The following POU6F1 variants were observed in gnomAD, a reference collection of about 807,000 sequenced individuals.
POU6F1 encodes POU domain, class 6, transcription factor 1.
In POU6F1, 9 loss-of-function variants were observed where a neutral mutation model predicts 28.9. The ratio of observed to expected loss-of-function variants is 0.31; its 90% CI spans 0.19 to 0.54. POU6F1 has a LOEUF of 0.54. Among genes scored for constraint, POU6F1 ranks in the 20% least tolerant of loss-of-function variants. POU6F1 has a pLI of 0.94. For synonymous variants in POU6F1, 173 were observed against 171.1 expected (o/e 1.01, Z -0.09); for missense variants, 338 against 426.1 (o/e 0.79, Z 1.82).
At chr12:51,200,516 C>T (rs1180211757) in intron 3 of POU6F1, among the ~76,000 whole-genome samples, 3 of 152,150 alleles carry the variant, frequency 2.0e-5, no homozygotes, top group African/African-American at 4.8e-5. Flanking sequence ...TGACCTGCAG[C>T]TTTTTGCCTT....
chr12:51,191,473 T>A (rs1401742373), intron 10 of POU6F1, 123 bp downstream of exon 10: 1 of 1,192,902 alleles, frequency 8.4e-7, no homozygotes, highest in East Asian at 2.5e-5. Flanking sequence ...GTCTTCCTTA[T>A]CTGGAAAAAG....
chr12:51,200,780 G>A (rs1001501887), intron 3 of POU6F1, among the ~76,000 whole-genome samples: 12 of 152,060 alleles, frequency 7.9e-5, no homozygotes, highest in African/African-American at 2.4e-4. Context: ...CTCTGCCTCC[G>A]GGGCTCAAGG....
chr12:51,198,474 G>A (rs73307706), intron 5 of POU6F1, 76 bp downstream of exon 5: 30 of 398,624 alleles, frequency 7.5e-5, no homozygotes, highest in African/African-American at 4.5e-4. Flanking sequence ...TTCTGAGTCC[G>A]ACATGGCAAG....
chr12:51,216,115 C>T (rs1447078093), intron 1 of POU6F1, among the ~76,000 whole-genome samples: 2 of 151,988 alleles, frequency 1.3e-5, no homozygotes, highest in African/African-American at 2.4e-5. Context: ...CTAAGGAGTT[C>T]GAGACCAGCC....
Position 51,196,082 on chromosome 12 carries a change from T to TG in POU6F1, c.1066dup (p.Gln356ProfsTer16). 2 of 1,606,478 alleles carry TG rather than the reference T, an allele frequency of 1.2e-6. No homozygotes were observed. The highest frequency in any genetic ancestry group is 1.1e-5 in the South Asian group (1 of 89,808). On this transcript the variant is annotated frameshift_variant, in exon 8 of 11. Transcript: ENST00000333640. LOFTEE classifies it high-confidence loss of function. ...CTGGCCCTGGGCGTTCAACAACAGC[T>TG]GGGGGGTCACGGCCTGGACCTGCAG...
intron 1 of POU6F1, 151 bp from the exon 2 acceptor site, chr12:51,207,034 C>CT (rs905667900): frequency 7.5e-4 from 272 of 362,708 alleles, no homozygotes; most frequent in Middle Eastern, 2.1e-3. Context: ...AAAAAGGATT[C>CT]TTTTTTTTTG....
chr12:51,205,984 A>G (rs1163996507), intron 2 of POU6F1, among the ~76,000 whole-genome samples: 1 of 149,852 alleles, frequency 6.7e-6, no homozygotes, highest in Admixed American at 6.6e-5. Context: ...ACGCCCGGCT[A>G]ATTTTTGTAT....
intron 1 of POU6F1, among the ~76,000 whole-genome samples, chr12:51,215,961 T>C (rs1944267191): frequency 6.6e-6 from 1 of 152,236 alleles, no homozygotes; most frequent in Non-Finnish European, 1.5e-5. Context: ...TTATCATTGC[T>C]ATTATTTTGA....
At chr12:51,204,443 T>G (rs1943437624) in intron 2 of POU6F1, 75 bp from the exon 3 acceptor site, 1 of 398,080 alleles carries the variant, frequency 2.5e-6, no homozygotes, top group Non-Finnish European at 4.4e-6. Context: ...TGGGTATGGT[T>G]TGGGGAGAGA....
At position 51,195,966 on chromosome 12, in the gene POU6F1, G is replaced by T; in HGVS notation, c.1179+4C>A. 1 of 728,864 alleles carries T rather than the reference G, an allele frequency of 1.4e-6. No individual in the cohort carries two copies. The highest frequency in any genetic ancestry group is 2.0e-6 in the Non-Finnish European group (1 of 498,688). The allele number at this position is 728,864 out of a possible 1,614,324, so 45.1% of individuals were successfully genotyped here. ...CCACCCCCCACCCCCCCCAGCCCCT[G>T]TACCTCACTCTTAGCAGGGGACTCA... On this transcript the variant is annotated splice_donor_region_variant and intron_variant, in intron 8 of 10. Coordinates refer to ENST00000333640, the MANE Select transcript of POU6F1 (RefSeq NM_001330422.2).
At chr12:51,193,981 G>A (rs1418381572) in intron 8 of POU6F1, among the ~76,000 whole-genome samples, 2 of 152,088 alleles carry the variant, frequency 1.3e-5, no homozygotes, top group African/African-American at 4.8e-5. Flanking sequence ...CCCTAGAGCT[G>A]TTTAAACTGC....
rs1943412485 is a variant in POU6F1 at position 51,204,233 on chromosome 12, C to T, written c.184G>A (p.Ala62Thr). ...EGSQSGDPAE[A>T]SQAAGEAGPD... ...CCAGCTTCACCAGCAGCTTGACTGGCTTCAGCAGGGTCTCCGCTCTGGGAG... is the reference window on the plus strand; with the variant it reads ...CCAGCTTCACCAGCAGCTTGACTGGTTTCAGCAGGGTCTCCGCTCTGGGAG... Residue 62 changes from alanine (A) to threonine (T), a missense_variant, in exon 3 of 11, where the codon GCC becomes ACC. Coordinates refer to ENST00000333640, the MANE Select transcript of POU6F1 (RefSeq NM_001330422.2). 2.5e-6 allele frequency: 1 copy of T among 399,192 alleles called. No individual in the cohort carries two copies. Among genetic ancestry groups the T allele is most frequent in the Non-Finnish European group, 4.4e-6 (1 of 226,222 alleles). 24.7% of individuals were successfully genotyped at this position (399,192 alleles called of 1,614,324 possible).
At position 51,199,052 on chromosome 12, in the gene POU6F1, C is replaced by A. The variant is rs1246884339; in HGVS notation, c.367-277G>T. On this transcript the variant is annotated intron_variant, in intron 4 of 10. Coordinates refer to ENST00000333640, the MANE Select transcript of POU6F1 (RefSeq NM_001330422.2). The surrounding 1 kb of genome is among the most constrained non-coding windows in gnomAD (Gnocchi z 4.1). Reference sequence around the variant, plus strand: ...ATGGGAAGGGGGCACAGGCCTCCCCCACCACAGCCTGCTGCCTGCCAGGCC... The same window carrying A: ...ATGGGAAGGGGGCACAGGCCTCCCCAACCACAGCCTGCTGCCTGCCAGGCC... Among the ~76,000 whole-genome samples the A allele has an allele frequency of 6.6e-6, 1 of 152,236 alleles. No homozygotes were observed. Among genetic ancestry groups the A allele is most frequent in the Admixed American group, 6.5e-5 (1 of 15,288 alleles).
intron 1 of POU6F1, among the ~76,000 whole-genome samples, chr12:51,215,672 C>T (rs73307719): frequency 0.065 from 9,865 of 152,008 alleles, 542 homozygotes; most frequent in East Asian, 0.18. Context: ...TCCAAGCCTT[C>T]CTCCTGTGGC....
chr12:51,195,895 T>C, intron 8 of POU6F1, 75 bp downstream of exon 8: 1 of 1,451,874 alleles, frequency 6.9e-7, no homozygotes, highest in South Asian at 1.3e-5. Flanking sequence ...CTGTCCTGCC[T>C]GGCAGTCTGG....
At chr12:51,215,695 C>T (rs543871396) in intron 1 of POU6F1, among the ~76,000 whole-genome samples, 49 of 152,180 alleles carry the variant, frequency 3.2e-4, no homozygotes, top group Admixed American at 3.2e-3. Context: ...GTTTCTCCTG[C>T]ATCCCACTCT....
In POU6F1 at chr12:51,217,983, C is replaced by G. The variant is rs1290004293; in HGVS notation, c.-389G>C. ...CTTCGTTCCCCCTTCCACGACCCCC[C>G]CCTTTTCCCTCCCCCCCTTTTTTCC... On this transcript the variant is annotated 5_prime_UTR_variant, in exon 1 of 11. Transcript: ENST00000333640. This position sits in a 1 kb window ranked among gnomAD's most constrained non-coding sequence, Gnocchi z 5.3. Among the ~76,000 whole-genome samples, 17 of 151,826 alleles carry G rather than the reference C, an allele frequency of 1.1e-4. No individual in the cohort carries two copies. The highest frequency in any genetic ancestry group is 1.1e-3 in the Admixed American group (17 of 15,276).
In POU6F1 at chr12:51,191,770, C is replaced by A. The variant is rs1942431626; in HGVS notation, c.1322-6G>T. On this transcript the variant is annotated splice_region_variant and splice_polypyrimidine_tract_variant and intron_variant, in intron 9 of 10. Coordinates refer to ENST00000333640, the MANE Select transcript of POU6F1 (RefSeq NM_001330422.2). ...CAGACTTGGAGTATGTGGCTCTAGGCCAGAGGGAGGGAGCAGGGATGAGTG... is the reference window on the plus strand; with the variant it reads ...CAGACTTGGAGTATGTGGCTCTAGGACAGAGGGAGGGAGCAGGGATGAGTG... The A allele has an allele frequency of 6.2e-7, 1 of 1,613,968 alleles. No homozygotes were observed. Among genetic ancestry groups the A allele is most frequent in the Admixed American group, 1.7e-5 (1 of 60,006 alleles).
intron 3 of POU6F1, among the ~76,000 whole-genome samples, chr12:51,203,764 G>A (rs1378390799): frequency 1.3e-5 from 2 of 152,124 alleles, no homozygotes; most frequent in Admixed American, 6.5e-5. Context: ...ACTGAAAAAG[G>A]AGGCCCAAGG....
Sources: gnomAD v4.1 joint callset for allele counts (sites outside exome capture counted in the v4.1 genomes callset) on GRCh38, gnomAD v4.1.1 for gene constraint, Gnocchi (gnomAD v3.1) non-coding constraint, MANE v1.5 for transcripts, NCBI Gene and HGNC (gene_info 2026-07-23, HGNC 2026-07-21) for gene names.